PNKD: variants seen among roughly 807,000 people sequenced by gnomAD.
PNKD encodes probable thioesterase PNKD.
A neutral mutation model predicts 45.3 loss-of-function variants in PNKD; 36 were observed. That is an observed-to-expected ratio of 0.80 (90% CI 0.61 to 1.05). PNKD has a LOEUF of 1.05. Among genes scored for constraint, PNKD ranks in the 50% least tolerant of loss-of-function variants. The pLI is 0.00. For missense variants in PNKD, 511 were observed against 506.6 expected (o/e 1.01, Z -0.08); for synonymous variants, 197 against 210.1 (o/e 0.94, Z 0.54).
At chr2:218,294,420 C>T (rs1004801695) in intron 2 of PNKD, among the ~76,000 whole-genome samples, 15 of 152,198 alleles carry the variant, frequency 9.9e-5, no homozygotes, top group Admixed American at 9.8e-4. Flanking sequence ...CTGATGAAGG[C>T]TCCCTCTGCT....
At chr2:218,280,857 G>A (rs1691859575) in intron 2 of PNKD, 4 of 130,640 alleles carry the variant, frequency 3.1e-5, no homozygotes. Flanking sequence ...TGTTGCCCAA[G>A]CTGGAGTGCA....
intron 2 of PNKD, chr2:218,279,365 C>A (rs773236161): frequency 1.3e-6 from 2 of 1,557,562 alleles, no homozygotes; most frequent in South Asian, 1.2e-5. Context: ...TGGACACAGA[C>A]GGCCGGGCAT....
intron 2 of PNKD, chr2:218,277,195 G>T (rs904293735): frequency 4.1e-6 from 5 of 1,220,178 alleles, no homozygotes; most frequent in Admixed American, 3.5e-5. Context: ...TGCCTCCTAG[G>T]GGGTATGGGA....
At chr2:218,319,462 G>A (rs974519011) in intron 2 of PNKD, among the ~76,000 whole-genome samples, 43 of 131,346 alleles carry the variant, frequency 3.3e-4, no homozygotes, top group Admixed American at 8.5e-4. Context: ...TGCAACCTCC[G>A]CCTCTTAGGT....
At chr2:218,313,205 G>C (rs1693669274) in intron 2 of PNKD, among the ~76,000 whole-genome samples, 1 of 151,914 alleles carries the variant, frequency 6.6e-6, no homozygotes, top group African/African-American at 2.4e-5. Flanking sequence ...CCATCTCCCA[G>C]GTTCAAGCAA....
intron 2 of PNKD, among the ~76,000 whole-genome samples, chr2:218,292,014 G>A (rs1021639859): frequency 6.6e-6 from 1 of 151,628 alleles, no homozygotes; most frequent in Non-Finnish European, 1.5e-5. Flanking sequence ...GGGCAACCTG[G>A]GGTCCGTGCC....
chr2:218,326,356 T>C lies in PNKD; in HGVS notation c.237-13427T>C, dbSNP rs1010633295. Among the ~76,000 whole-genome samples the C allele has an allele frequency of 6.6e-6, 1 of 152,174 alleles. No homozygotes were observed. The highest frequency in any genetic ancestry group is 2.4e-5 in the African/African-American group (1 of 41,428). ...CCACAGGTGAAACTGGTGAGACACA[T>C]GCATTTGGGGCTCTGTGGGGCCTGG... is the stretch of plus-strand genomic sequence containing the variant. On this transcript the variant is annotated intron_variant, in intron 2 of 9. Transcript: ENST00000273077. The surrounding 1 kb of genome is among the most constrained non-coding windows in gnomAD (Gnocchi z 4.1).
At chr2:218,315,735 T>C (rs1693792774) in intron 2 of PNKD, among the ~76,000 whole-genome samples, 1 of 152,264 alleles carries the variant, frequency 6.6e-6, no homozygotes. Context: ...AGAATTTATT[T>C]TGGTGGATTC....
chr2:218,338,474 A>G lies in PNKD; in HGVS notation c.237-1309A>G, dbSNP rs192027495. ...AGACTCTGTCTCAAAAAAAAAAAAA[A>G]AAGAATTTCAGGTGGGACACGGTGG... is the stretch of plus-strand genomic sequence containing the variant. On this transcript the variant is annotated intron_variant, in intron 2 of 9. Coordinates refer to ENST00000273077, the MANE Select transcript of PNKD (RefSeq NM_015488.5). Among the ~76,000 whole-genome samples, 458 of 151,348 alleles carry G rather than the reference A, an allele frequency of 3.0e-3. 3 individuals are homozygous for G. Among genetic ancestry groups the G allele is most frequent in the African/African-American group, 0.011 (439 of 41,234 alleles).
intron 2 of PNKD, among the ~76,000 whole-genome samples, chr2:218,325,100 C>T (rs1262184330): frequency 7.1e-6 from 1 of 140,150 alleles, no homozygotes; most frequent in East Asian, 2.2e-4. Flanking sequence ...AGGGTTTCAC[C>T]GTGTTGGTCA....
chr2:218,280,264 T>C, intron 2 of PNKD: 2 of 669,276 alleles, frequency 3.0e-6, no homozygotes, highest in Non-Finnish European at 2.6e-6. Context: ...TCTCCCAAGC[T>C]GGGGTCTTCT....
At chr2:218,337,046 AG>A (rs1346598841) in intron 2 of PNKD, among the ~76,000 whole-genome samples, 2 of 150,892 alleles carry the variant, frequency 1.3e-5, no homozygotes, top group East Asian at 3.9e-4. Context: ...GTGATCTACC[AG>A]CCTCTGCCTT....
intron 2 of PNKD, among the ~76,000 whole-genome samples, chr2:218,273,688 A>G (rs1007538856): frequency 1.3e-4 from 19 of 148,008 alleles, no homozygotes; most frequent in Non-Finnish European, 2.5e-4. Flanking sequence ...ATGGGGTTTC[A>G]CCATGTTTGG....
Position 218,342,643 on chromosome 2 carries a change from C to T in PNKD, c.781+499C>T, listed in dbSNP as rs537263641. On this transcript the variant is annotated intron_variant, in intron 7 of 9. Coordinates refer to ENST00000273077, the MANE Select transcript of PNKD (RefSeq NM_015488.5). ...TGAACCCGAGAGGTAGAGGTTGCAG[C>T]GAGCTGAGATCGCGCCACTGCACTC... Among the ~76,000 whole-genome samples, 241 of 151,902 alleles carry T rather than the reference C, an allele frequency of 1.6e-3. 2 individuals are homozygous for T. The highest frequency in any genetic ancestry group is 5.5e-3 in the African/African-American group (229 of 41,418).
At chr2:218,274,740 G>A (rs1399315481) in intron 2 of PNKD, 1 of 155,192 alleles carries the variant, frequency 6.4e-6, no homozygotes, top group Admixed American at 6.5e-5. Flanking sequence ...CAAGAATGGG[G>A]AGCAGATGGC....
intron 2 of PNKD, among the ~76,000 whole-genome samples, chr2:218,313,587 T>C (rs894244164): frequency 2.0e-5 from 3 of 152,210 alleles, no homozygotes; most frequent in African/African-American, 7.2e-5. Flanking sequence ...TTGCAAGATC[T>C]CTAGGTTGTT....
rs539838452 is a variant in PNKD at position 218,277,117 on chromosome 2, A to C, written c.236+5568A>C. 7.5e-6 allele frequency: 12 copies of C among 1,609,770 alleles called. No individual in the cohort carries two copies. In the East Asian group the frequency reaches 2.7e-4, roughly 36 times the overall value. On this transcript the variant is annotated intron_variant, in intron 2 of 9. Transcript: ENST00000273077. ...AAGTCCACCTGCCAGGAAGCAAGAA[A>C]GAGGCACCTGTCAGATGGCTGTGAC...
intron 2 of PNKD, among the ~76,000 whole-genome samples, chr2:218,307,910 C>T (rs1693467511): frequency 1.3e-5 from 2 of 151,960 alleles, no homozygotes; most frequent in East Asian, 1.9e-4. Context: ...TGAACAATGA[C>T]AAATGGGTTT....
rs1025577210 is a variant in PNKD, at chr2:218,291,042, G to A, written c.236+19493G>A. Among the ~76,000 whole-genome samples, 3 of 152,198 alleles carry A rather than the reference G, an allele frequency of 2.0e-5. No homozygotes were observed. The South Asian group carries it at 6.2e-4, about 31-fold the overall frequency. ...TGAAAGGCCCAGGGTGAGGCCTGCGGTTGGAGGTGCTCTGAGGTAGACAGC... is the reference window on the plus strand; with the variant it reads ...TGAAAGGCCCAGGGTGAGGCCTGCGATTGGAGGTGCTCTGAGGTAGACAGC... On this transcript the variant is annotated intron_variant, in intron 2 of 9. Coordinates refer to ENST00000273077, the MANE Select transcript of PNKD (RefSeq NM_015488.5).
Sources: allele counts gnomAD v4.1 joint callset (sites outside exome capture counted in the v4.1 genomes callset), GRCh38; gene constraint gnomAD v4.1.1; non-coding constraint Gnocchi (gnomAD v3.1); transcripts MANE v1.5; gene names NCBI Gene and HGNC (gene_info 2026-07-23, HGNC 2026-07-21).